Variants in CLEC12B observed in about 807,000 individuals in gnomAD.
The protein encoded by CLEC12B is C-type lectin domain family 12 member B.
CLEC12B carries 25 observed loss-of-function variants against 36.1 expected under a neutral mutation model. That is an observed-to-expected ratio of 0.69 (90% confidence interval 0.50 to 0.97). The LOEUF (loss-of-function observed/expected upper bound fraction) is 0.97, where lower values mean the gene tolerates loss of function less well. Ranked by LOEUF, CLEC12B falls within the 50% of genes least tolerant of loss-of-function variation. CLEC12B has a pLI of 0.00. For missense variants in CLEC12B, 325 were observed against 318.4 expected (o/e 1.02, Z -0.16); for synonymous variants, 110 against 108.5 (o/e 1.01, Z -0.09).
intron 3 of CLEC12B, 33 bp downstream of exon 3, chr12:10,014,774 T>C (rs1346643141): frequency 1.4e-6 from 2 of 1,449,698 alleles, no homozygotes; most frequent in East Asian, 2.3e-5. Context: ...ACCAGTCAGA[T>C]GGCATATGTT....
chr12:10,014,618 C>A lies in CLEC12B; in HGVS notation c.286C>A (p.Leu96Met), dbSNP rs762342243. 6 of 1,613,650 alleles carry A rather than the reference C, an allele frequency of 3.7e-6. No homozygotes were observed. The African/African-American group carries it at 5.3e-5, about 14-fold the overall frequency. ...QQQQDNLSQQ[L>M]GNSNNLSMEE... ...GCAGCAGGATAACTTATCCCAGCAA[C>A]TGGGCAACTCCAACAACTTGTCCAT... The change falls in exon 3 of 6, where the codon CTG becomes ATG. Residue 96 changes from leucine (L) to methionine (M), a missense_variant. By Grantham distance (15) the Leu-to-Met change is conservative (BLOSUM62 2). Transcript: ENST00000338896.
upstream of CLEC12B, among the ~76,000 whole-genome samples, chr12:10,008,354 G>A (rs1040261472): frequency 2.0e-5 from 3 of 152,150 alleles, no homozygotes; most frequent in Non-Finnish European, 4.4e-5. Flanking sequence ...TTTTGTGTGT[G>A]AGCAACTGAT....
upstream of CLEC12B, among the ~76,000 whole-genome samples, chr12:10,009,715 T>A (rs1205891766): frequency 1.3e-5 from 2 of 152,134 alleles, no homozygotes; most frequent in African/African-American, 4.8e-5. Flanking sequence ...TGGACACCTT[T>A]GACTAAGATA....
At position 10,010,812 on chromosome 12, in the gene CLEC12B, C is replaced by A; in HGVS notation, c.53C>A (p.Ala18Glu). ...CTCACATTTCAGGATTCTGCTGGAG[C>A]AAGGAATAACCGAGATGGAAATAAC... ...ATLTFQDSAG[A>E]RNNRDGNNLR... The change falls in exon 1 of 6, where the codon GCA becomes GAA. Residue 18 changes from alanine (A) to glutamate (E), a missense_variant. Ala to Glu is a moderately radical substitution (Grantham distance 107). Transcript: ENST00000338896. 1 of 1,611,880 alleles carries A rather than the reference C, an allele frequency of 6.2e-7. No individual in the cohort carries two copies. Among genetic ancestry groups the A allele is most frequent in the South Asian group, 1.1e-5 (1 of 91,018 alleles).
upstream of CLEC12B, among the ~76,000 whole-genome samples, chr12:10,006,851 C>T (rs374835109): frequency 3.8e-4 from 58 of 151,966 alleles, no homozygotes; most frequent in Non-Finnish European, 4.9e-4. Context: ...GTCAGGAGAT[C>T]GAGACCATCC....
upstream of CLEC12B, among the ~76,000 whole-genome samples, chr12:10,006,559 G>A (rs1865228891): frequency 6.6e-6 from 1 of 151,874 alleles, no homozygotes; most frequent in South Asian, 2.1e-4. Flanking sequence ...GGAGGATTGG[G>A]TTGTGAGTGA....
At chr12:10,017,297 G>A (rs1865510003) in intron 5 of CLEC12B, 1 of 985,238 alleles carries the variant, frequency 1.0e-6, no homozygotes, top group African/African-American at 1.7e-5. Flanking sequence ...TTTGTGACAA[G>A]AGCAATATTG....
chr12:10,006,916 G>A (rs926415917), upstream of CLEC12B, among the ~76,000 whole-genome samples: 7 of 151,986 alleles, frequency 4.6e-5, no homozygotes, highest in Non-Finnish European at 8.8e-5. Flanking sequence ...TTAGCCGGGC[G>A]GGGTGGCAGG....
intron 5 of CLEC12B, chr12:10,017,751 T>C: frequency 1.1e-6 from 1 of 874,894 alleles, no homozygotes; most frequent in Non-Finnish European, 1.4e-6. Flanking sequence ...CTGACAAGTA[T>C]AATTTTCTAA....
chr12:10,010,554 T>A (rs866936052), upstream of CLEC12B: 2 of 422,638 alleles, frequency 4.7e-6, no homozygotes, highest in Admixed American at 3.8e-5. Flanking sequence ...CTAATGAGAA[T>A]ATCTCTAAGG....
Position 10,014,547 on chromosome 12 carries a change from A to C in CLEC12B, c.215A>C (p.Asn72Thr). 1 of 1,613,518 alleles carries C rather than the reference A, an allele frequency of 6.2e-7. No homozygotes were observed. Among genetic ancestry groups the C allele is most frequent in the South Asian group, 1.1e-5 (1 of 91,066 alleles). The change falls in exon 3 of 6, where the codon AAC (asparagine) becomes ACC (threonine). Residue 72 changes from asparagine to threonine, a missense_variant. Transcript: ENST00000338896. The part of the protein sequence containing the change: ...MMFLQISNDI[N>T]SDSEKLSQLQ... ...GTTTTGCAGATATCTAATGACATTA[A>C]CTCAGATTCAGAGAAATTGAGTCAA...
chr12:10,011,619 A>G (rs1865328964), intron 1 of CLEC12B, among the ~76,000 whole-genome samples: 2 of 152,170 alleles, frequency 1.3e-5, no homozygotes, highest in Admixed American at 6.5e-5. Flanking sequence ...AGCAGTCTCC[A>G]TGGTCAAGAC....
At chr12:10,017,403 A>G in intron 5 of CLEC12B, 4 of 985,400 alleles carry the variant, frequency 4.1e-6, no homozygotes, top group African/African-American at 1.7e-5. Context: ...TTCAGTTTTC[A>G]TGTTGGAATC....
intron 2 of CLEC12B, chr12:10,013,092 G>C (rs1218560412): frequency 5.4e-6 from 3 of 558,922 alleles, no homozygotes; most frequent in African/African-American, 1.9e-5. Context: ...GTTTTATCTT[G>C]ATAAGCTAAA....
At chr12:10,017,035 A>G in intron 5 of CLEC12B, 1 of 984,538 alleles carries the variant, frequency 1.0e-6, no homozygotes, top group Non-Finnish European at 1.2e-6. Flanking sequence ...CAAAGATGCC[A>G]TGCTTCAGCT....
chr12:10,015,075 C>G (rs2137272782), intron 3 of CLEC12B, among the ~76,000 whole-genome samples, 177 bp from the exon 4 acceptor site: 1 of 152,168 alleles, frequency 6.6e-6, no homozygotes, highest in African/African-American at 2.4e-5. Flanking sequence ...AAAGAGAATC[C>G]CTGTTGCCCC....
chr12:10,009,813 G>A (rs1487576253), upstream of CLEC12B, among the ~76,000 whole-genome samples: 1 of 152,000 alleles, frequency 6.6e-6, no homozygotes, highest in Admixed American at 6.5e-5. Context: ...CTTCCCCTAA[G>A]TACAGTTATC....
chr12:10,009,336 C>T (rs1010302808), upstream of CLEC12B, among the ~76,000 whole-genome samples: 1 of 152,018 alleles, frequency 6.6e-6, no homozygotes, highest in South Asian at 2.1e-4. Flanking sequence ...GAACCAACTC[C>T]GGACACGGAC....
chr12:10,012,876 G>T lies in CLEC12B; in HGVS notation c.183G>T (p.Gly61=). The change falls in exon 2 of 6, where the codon GGG becomes GGT. Residue 61 remains glycine, a synonymous_variant. Transcript: ENST00000338896. ...LMLLIGLVTL[G]MMFLQISNDI... ...TGCTGATTGGGCTGGTGACATTGGG[G>T]ATGATGTGTAAGTATATCAGCATCA... 1 of 1,609,722 alleles carries T rather than the reference G, an allele frequency of 6.2e-7. No homozygotes were observed. Among genetic ancestry groups the T allele is most frequent in the South Asian group, 1.1e-5 (1 of 90,980 alleles).
Sources: allele counts gnomAD v4.1 joint callset (sites outside exome capture counted in the v4.1 genomes callset), GRCh38; gene constraint gnomAD v4.1.1; transcripts MANE v1.5; gene names NCBI Gene and HGNC (gene_info 2026-07-23, HGNC 2026-07-21).